Variants in TSGA10 observed in about 807,000 individuals in gnomAD.
The protein encoded by TSGA10 is testis-specific gene 10 protein.
TSGA10 carries 43 observed loss-of-function variants against 96.6 expected under a neutral mutation model. That is an observed-to-expected ratio of 0.44 (90% CI 0.35 to 0.57). TSGA10 has a LOEUF of 0.57. Ranked by LOEUF, TSGA10 falls within the 20% of genes least tolerant of loss-of-function variation. The probability of loss-of-function intolerance (pLI) is 0.01; values close to 1 mark genes in which losing one functional copy is unlikely to be tolerated. For synonymous variants in TSGA10, 229 were observed against 269.9 expected (o/e 0.85, Z 1.48); for missense variants, 703 against 834.4 (o/e 0.84, Z 1.94).
In TSGA10 at chr2:98,997,674, C is replaced by T. The variant is rs976054210; in HGVS notation, c.*523G>A. The T allele has an allele frequency of 1.3e-5, 2 of 152,308 alleles. No individual in the cohort carries two copies. The highest frequency in any genetic ancestry group is 4.1e-4 in the South Asian group (2 of 4,838). The allele number at this position is 152,308 out of a possible 1,614,324, so 9.4% of individuals were successfully genotyped here. On this transcript the variant is annotated 3_prime_UTR_variant, in exon 21 of 21. Transcript: ENST00000393483. Reference sequence around the variant, plus strand: ...TTTTAAAACCCTGACAACACTCCTACTTTCTGCTGCTTCAATATCAGATTA... The same window carrying T: ...TTTTAAAACCCTGACAACACTCCTATTTTCTGCTGCTTCAATATCAGATTA...
chr2:99,124,386 T>C (rs561291779), intron 2 of TSGA10, among the ~76,000 whole-genome samples: 3 of 152,202 alleles, frequency 2.0e-5, no homozygotes, highest in Non-Finnish European at 4.4e-5. Context: ...TTCAGATATG[T>C]AATTTGGAAA....
At position 99,127,132 on chromosome 2, in the gene TSGA10, A is replaced by G; in HGVS notation, c.-576T>C. On this transcript the variant is annotated 5_prime_UTR_variant, in exon 2 of 21. Coordinates refer to ENST00000393483, the MANE Select transcript of TSGA10 (RefSeq NM_025244.4). ...GAGTATTCTGGTAGTTTTCAGCTTC[A>G]GAAACTGGAGCCCCTAGACCAAAAT... 7.8e-7 allele frequency: 1 copy of G among 1,289,562 alleles called. No homozygotes were observed. Among genetic ancestry groups the G allele is most frequent in the African/African-American group, 1.5e-5 (1 of 65,982 alleles). The allele number at this position is 1,289,562 out of a possible 1,614,324, so 79.9% of individuals were successfully genotyped here.
chr2:99,057,093 T>TA (rs140765333), intron 16 of TSGA10, among the ~76,000 whole-genome samples: 53,200 of 151,772 alleles, frequency 0.35, 10,655 homozygotes, highest in African/African-American at 0.55. Flanking sequence ...AGGTTTTCTA[T>TA]AAAAAACCAA....
At chr2:99,127,709 A>AAAT (rs1559102214) in intron 1 of TSGA10, among the ~76,000 whole-genome samples, 1 of 151,688 alleles carries the variant, frequency 6.6e-6, no homozygotes, top group African/African-American at 2.4e-5. Flanking sequence ...ACACAAATTA[A>AAAT]AACACTGAGA....
At chr2:99,077,605 A>G (rs2086873940) in intron 12 of TSGA10, among the ~76,000 whole-genome samples, 1 of 152,124 alleles carries the variant, frequency 6.6e-6, no homozygotes, top group Non-Finnish European at 1.5e-5. Flanking sequence ...ACTGTCGCCC[A>G]GGCTGGAGTG....
chr2:99,005,269 A>G lies in TSGA10; in HGVS notation c.2073-7048T>C, dbSNP rs924541355. Among the ~76,000 whole-genome samples, 85 of 152,176 alleles carry G rather than the reference A, an allele frequency of 5.6e-4. 2 individuals carry two copies. Among genetic ancestry groups the G allele is most frequent in the Non-Finnish European group, 1.5e-4 (10 of 68,032 alleles). ...CCCTCTCTCACCACTCTTATTCAAC[A>G]TTCTGTTGGAAGTGCTGACCAGGGC... On this transcript the variant is annotated intron_variant, in intron 20 of 20. Transcript: ENST00000393483.
In TSGA10 at chr2:99,020,411, G is replaced by A; in HGVS notation, c.1686C>T (p.Ile562=). 1 of 1,613,808 alleles carries A rather than the reference G, an allele frequency of 6.2e-7. No homozygotes were observed. The highest frequency in any genetic ancestry group is 8.5e-7 in the Non-Finnish European group (1 of 1,179,838). ...LLRSQMANER[I]SMQNLEALLV... is the part of the protein sequence containing the mutation. Reference sequence around the variant, plus strand: ...GCAAAGCTTCTAGATTCTGCATGGAGATTCTCTCATTTGCCATCTGACTCC... The same window carrying A: ...GCAAAGCTTCTAGATTCTGCATGGAAATTCTCTCATTTGCCATCTGACTCC... Residue 562 remains isoleucine (I), a synonymous_variant, in exon 18 of 21, where the codon ATC becomes ATT. Transcript: ENST00000393483.
Position 99,001,228 on chromosome 2 carries a change from A to C in TSGA10, c.2073-3007T>G, listed in dbSNP as rs572914396. Among the ~76,000 whole-genome samples, 61 of 152,270 alleles carry C rather than the reference A, an allele frequency of 4.0e-4. 1 individual carries two copies. The highest frequency in any genetic ancestry group is 1.3e-3 in the African/African-American group (55 of 41,560). ...CTCAGGGACACCTCCCAGTAGGGGC[A>C]AACTGACACCTCATACAGCCAGGTG... On this transcript the variant is annotated intron_variant, in intron 20 of 20. Transcript: ENST00000393483.
chr2:99,066,616 A>G (rs534795654), intron 15 of TSGA10, among the ~76,000 whole-genome samples: 6 of 152,204 alleles, frequency 3.9e-5, no homozygotes, highest in African/African-American at 7.2e-5. Context: ...ATTCCGTAGA[A>G]TGTCTCTCCT....
intron 10 of TSGA10, among the ~76,000 whole-genome samples, chr2:99,090,197 T>C (rs1370270444): frequency 6.6e-6 from 1 of 152,038 alleles, no homozygotes; most frequent in Admixed American, 6.6e-5. Context: ...GGAAGCCACA[T>C]CCCTCTAGGA....
At chr2:99,097,609 CAATAA>C (rs1240267183) in intron 10 of TSGA10, among the ~76,000 whole-genome samples, 4 of 151,872 alleles carry the variant, frequency 2.6e-5, no homozygotes, top group Non-Finnish European at 4.4e-5. Context: ...TGACAGAAAA[CAATAA>C]AATGATTTTT....
intron 16 of TSGA10, among the ~76,000 whole-genome samples, chr2:99,055,263 A>G (rs1488100347): frequency 1.3e-5 from 2 of 152,194 alleles, no homozygotes; most frequent in East Asian, 3.9e-4. Flanking sequence ...AGGCACAGTA[A>G]GACAAACACT....
chr2:99,026,283 T>C (rs941978544), intron 17 of TSGA10, among the ~76,000 whole-genome samples: 3 of 152,238 alleles, frequency 2.0e-5, no homozygotes, highest in Admixed American at 6.5e-5. Context: ...ACTAGTGATA[T>C]TAGTCTTACA....
chr2:99,126,911 A>G lies in TSGA10; in HGVS notation c.-492+137T>C. ...CTCTATGTTTATCAAAATGGTTAAG[A>G]TAAAAATTGAATGATTTTAGACCCA... is the stretch of plus-strand genomic sequence containing the variant. On this transcript the variant is annotated intron_variant, in intron 2 of 20. Transcript: ENST00000393483. The G allele has an allele frequency of 3.9e-6, 3 of 767,440 alleles. No homozygotes were observed. The South Asian group carries it at 5.8e-5, about 15-fold the overall frequency. 47.5% of individuals were successfully genotyped at this position (767,440 alleles called of 1,614,324 possible).
chr2:99,003,390 A>G (rs2078144779), intron 20 of TSGA10, among the ~76,000 whole-genome samples: 1 of 152,186 alleles, frequency 6.6e-6, no homozygotes, highest in Admixed American at 6.5e-5. Flanking sequence ...AGACAGATCA[A>G]CGAGAAAGAA....
chr2:99,057,270 A>G (rs1030208778), intron 16 of TSGA10, among the ~76,000 whole-genome samples: 2 of 152,178 alleles, frequency 1.3e-5, no homozygotes, highest in Non-Finnish European at 2.9e-5. Flanking sequence ...TTGGAAAGGA[A>G]AAAGTAAAAA....
intron 4 of TSGA10, among the ~76,000 whole-genome samples, chr2:99,116,362 GA>G (rs35899541): frequency 0.57 from 86,283 of 151,702 alleles, 25,683 homozygotes; most frequent in East Asian, 0.88. Context: ...ACTCAATCAA[GA>G]AAAAAAATGT....
intron 1 of TSGA10, chr2:99,150,433 T>G: frequency 9.5e-7 from 1 of 1,056,358 alleles, no homozygotes; most frequent in Non-Finnish European, 1.4e-6. Flanking sequence ...TGCCATGAAG[T>G]TAGGGAAATT....
At chr2:99,051,521 T>A (rs1025206833) in intron 16 of TSGA10, among the ~76,000 whole-genome samples, 5 of 152,066 alleles carry the variant, frequency 3.3e-5, no homozygotes, top group African/African-American at 1.2e-4. Context: ...AATGATAAAA[T>A]TCAATGCTCA....
Sources: gnomAD v4.1 joint callset for allele counts (sites outside exome capture counted in the v4.1 genomes callset) on GRCh38, gnomAD v4.1.1 for gene constraint, MANE v1.5 for transcripts, NCBI Gene and HGNC (gene_info 2026-07-23, HGNC 2026-07-21) for gene names.